Variants in MAP3K19 observed in about 807,000 individuals in gnomAD.
MAP3K19 encodes the protein SPS1/STE20-related protein kinase YSK4.
In MAP3K19, 91 loss-of-function variants were observed where a neutral mutation model predicts 114.4. The observed-to-expected ratio is 0.80, with a 90% confidence interval of 0.67 to 0.95. MAP3K19 has a LOEUF of 0.95. MAP3K19 is among the 40% of genes least tolerant of loss of function. The pLI is 0.00. For synonymous variants in MAP3K19, 518 were observed against 530.5 expected (o/e 0.98, Z 0.32); for missense variants, 1,471 against 1,573.2 (o/e 0.94, Z 1.10).
At chr2:135,041,143 G>A (rs1000143820) in intron 1 of MAP3K19, among the ~76,000 whole-genome samples, 4 of 151,834 alleles carry the variant, frequency 2.6e-5, no homozygotes, top group African/African-American at 9.7e-5. Flanking sequence ...TCAATAGCAG[G>A]GACATTACAT....
intron 5 of MAP3K19, among the ~76,000 whole-genome samples, chr2:135,008,091 T>C (rs989877368): frequency 3.3e-5 from 5 of 152,162 alleles, no homozygotes; most frequent in African/African-American, 1.2e-4. Flanking sequence ...TAAAATTTCT[T>C]TCCTTCAACA....
At chr2:135,039,786 T>C (rs1688610775) in intron 2 of MAP3K19, among the ~76,000 whole-genome samples, 1 of 152,168 alleles carries the variant, frequency 6.6e-6, no homozygotes, top group South Asian at 2.1e-4. Context: ...AACAGAACTT[T>C]AGAAGTTATG....
intron 12 of MAP3K19, among the ~76,000 whole-genome samples, chr2:134,968,336 G>A (rs186042042): frequency 0.076 from 11,495 of 151,410 alleles, 601 homozygotes; most frequent in South Asian, 0.23. Flanking sequence ...CCACAAAACC[G>A]CCATTGTCAT....
At chr2:135,000,088 T>C (rs1402372673) in intron 6 of MAP3K19, 73 bp from the exon 7 acceptor site, 13 of 1,003,288 alleles carry the variant, frequency 1.3e-5, no homozygotes, top group Middle Eastern at 2.1e-4. Context: ...ACGTACTTTA[T>C]TTCTGTTTGG....
At chr2:134,991,414 C>A in intron 9 of MAP3K19, 123 bp downstream of exon 9, 1 of 827,666 alleles carries the variant, frequency 1.2e-6, no homozygotes, top group Non-Finnish European at 2.1e-6. Flanking sequence ...TTGGGGACAT[C>A]AGTGACCCTA....
chr2:135,026,477 A>C, intron 3 of MAP3K19, among the ~76,000 whole-genome samples: 1 of 151,018 alleles, frequency 6.6e-6, no homozygotes, highest in African/African-American at 2.5e-5. Context: ...TCTTGACTAT[A>C]ATTTTGTTCT....
chr2:134,974,152 C>A (rs1684069442), intron 12 of MAP3K19, among the ~76,000 whole-genome samples: 1 of 152,120 alleles, frequency 6.6e-6, no homozygotes, highest in African/African-American at 2.4e-5. Flanking sequence ...CAGGCATGTA[C>A]CACCACACCT....
At chr2:134,989,048 C>A (rs1319166931) in intron 9 of MAP3K19, among the ~76,000 whole-genome samples, 2 of 152,150 alleles carry the variant, frequency 1.3e-5, no homozygotes, top group Non-Finnish European at 2.9e-5. Context: ...ATGAAATGTA[C>A]AAAATTTCAT....
intron 2 of MAP3K19, among the ~76,000 whole-genome samples, chr2:135,034,992 G>C (rs989414677): frequency 5.9e-5 from 9 of 152,086 alleles, no homozygotes; most frequent in African/African-American, 2.2e-4. Context: ...ATAAAGTATT[G>C]ACACATGCTA....
At chr2:135,017,727 A>C (rs1687672279) in intron 5 of MAP3K19, among the ~76,000 whole-genome samples, 1 of 141,690 alleles carries the variant, frequency 7.1e-6, no homozygotes, top group South Asian at 2.3e-4. Flanking sequence ...GATTCTCATT[A>C]ATATCCTTTC....
intron 5 of MAP3K19, among the ~76,000 whole-genome samples, chr2:135,011,274 A>G (rs1471996726): frequency 3.3e-5 from 5 of 152,160 alleles, no homozygotes; most frequent in African/African-American, 1.2e-4. Flanking sequence ...GCGGTGGCTC[A>G]CGCCTGTTAT....
chr2:134,966,683 TAGTC>T (rs1438407611), intron 12 of MAP3K19, among the ~76,000 whole-genome samples: 6 of 152,288 alleles, frequency 3.9e-5, no homozygotes, highest in South Asian at 4.1e-4. Flanking sequence ...GAATAGTAAA[TAGTC>T]AGTCTGTGCC....
At position 134,986,975 on chromosome 2, in the gene MAP3K19, G is replaced by T. The variant is rs1278311019; in HGVS notation, c.1897C>A (p.Gln633Lys). 3 of 1,613,464 alleles carry T rather than the reference G, an allele frequency of 1.9e-6. No homozygotes were observed. Among genetic ancestry groups the T allele is most frequent in the South Asian group, 1.1e-5 (1 of 91,070 alleles). ...TAATTTAGTCTTGGCTCTGTCGGTTGAACAGAGAGAGGAACACATGACTTC... is the reference window on the plus strand; with the variant it reads ...TAATTTAGTCTTGGCTCTGTCGGTTTAACAGAGAGAGGAACACATGACTTC... Reference protein sequence around the residue: ...TQKSCVPLSVQPTEPRLNYLD... With the variant: ...TQKSCVPLSVKPTEPRLNYLD... The change falls in exon 10 of 13, where the codon CAA becomes AAA. Residue 633 changes from glutamine (Q) to lysine (K), a missense_variant. Coordinates refer to ENST00000392915, the MANE Select transcript of MAP3K19 (RefSeq NM_025052.5).
At chr2:134,998,633 G>C in intron 8 of MAP3K19, 105 bp downstream of exon 8, 2 of 1,217,884 alleles carry the variant, frequency 1.6e-6, no homozygotes, top group Non-Finnish European at 2.2e-6. Flanking sequence ...GTTATTTTCT[G>C]GTATGTTCAC....
chr2:135,042,796 A>G (rs1688672193), intron 1 of MAP3K19, among the ~76,000 whole-genome samples: 2 of 151,442 alleles, frequency 1.3e-5, no homozygotes, highest in Admixed American at 1.3e-4. Flanking sequence ...AAAAATTTGA[A>G]TGTGGCTGGG....
chr2:135,015,623 A>T (rs1464375569), intron 5 of MAP3K19, among the ~76,000 whole-genome samples: 1 of 152,144 alleles, frequency 6.6e-6, no homozygotes, highest in Non-Finnish European at 1.5e-5. Context: ...GGCCGGGCAC[A>T]GTGGCTCATG....
intron 12 of MAP3K19, among the ~76,000 whole-genome samples, chr2:134,975,372 C>T (rs1435248699): frequency 2.0e-5 from 3 of 152,110 alleles, no homozygotes; most frequent in African/African-American, 7.2e-5. Flanking sequence ...CTCAGGTCCT[C>T]ATGAGGAATG....
chr2:134,977,721 T>C (rs920878825), intron 12 of MAP3K19, among the ~76,000 whole-genome samples: 13 of 152,110 alleles, frequency 8.5e-5, no homozygotes, highest in Admixed American at 2.0e-4. Context: ...GATCTCAAAC[T>C]CCTGCGCTCA....
intron 2 of MAP3K19, among the ~76,000 whole-genome samples, chr2:135,032,354 C>T (rs56236126): frequency 8.8e-6 from 1 of 113,460 alleles, no homozygotes; most frequent in African/African-American, 4.0e-5. Context: ...GAGACTCTGT[C>T]TGAAAAAAAA....
Sources: allele counts gnomAD v4.1 joint callset (sites outside exome capture counted in the v4.1 genomes callset), GRCh38; gene constraint gnomAD v4.1.1; transcripts MANE v1.5; gene names NCBI Gene and HGNC (gene_info 2026-07-23, HGNC 2026-07-21).